The following TAF2 variants were observed in gnomAD, a reference collection of about 807,000 sequenced individuals.
TAF2 encodes TATA-box binding protein associated factor 2.
In TAF2, 61 loss-of-function variants were observed where a neutral mutation model predicts 138.5. The ratio of observed to expected loss-of-function variants is 0.44; its 90% CI spans 0.36 to 0.54. The LOEUF is 0.54. Ranked by LOEUF, TAF2 falls within the 20% of genes least tolerant of loss-of-function variation. The pLI, the probability that TAF2 is intolerant of heterozygous loss-of-function variation, is 0.00. For missense variants in TAF2, 1,090 were observed against 1,427.9 expected, an observed-to-expected ratio of 0.76 and a Z score of 3.81; for synonymous variants, 475 against 469.9, an observed-to-expected ratio of 1.01 and a Z score of -0.14.
chr8:119,832,437 G>A, intron 1 of TAF2, 45 bp downstream of exon 1: 1 of 1,585,096 alleles, frequency 6.3e-7, no homozygotes, highest in Non-Finnish European at 8.6e-7. Flanking sequence ...TATAATTAAT[G>A]GCAACAAAAC....
chr8:119,737,853 A>G (rs1819334016), intron 25 of TAF2, among the ~76,000 whole-genome samples: 4 of 150,314 alleles, frequency 2.7e-5, no homozygotes, highest in Admixed American at 1.3e-4. Flanking sequence ...TGGCAATACC[A>G]TGAAAGTGTT....
chr8:119,770,415 A>G (rs1821749384), intron 18 of TAF2, among the ~76,000 whole-genome samples: 1 of 152,182 alleles, frequency 6.6e-6, no homozygotes, highest in East Asian at 1.9e-4. Flanking sequence ...AAACCTTACA[A>G]GCAGGAAGAG....
At chr8:119,799,705 T>G (rs575231624) in intron 6 of TAF2, among the ~76,000 whole-genome samples, 2 of 152,224 alleles carry the variant, frequency 1.3e-5, no homozygotes, top group Non-Finnish European at 2.9e-5. Context: ...TTTCTAGTTC[T>G]AGATCCTTGA....
intron 10 of TAF2, among the ~76,000 whole-genome samples, chr8:119,792,254 A>G (rs953936958): frequency 1.3e-5 from 2 of 151,500 alleles, no homozygotes; most frequent in Non-Finnish European, 2.9e-5. Flanking sequence ...CCCAGGTTCA[A>G]GTGATTCTCT....
chr8:119,733,129 G>A (rs1314458445), intron 25 of TAF2, among the ~76,000 whole-genome samples: 1 of 152,132 alleles, frequency 6.6e-6, no homozygotes, highest in Non-Finnish European at 1.5e-5. Flanking sequence ...AATCCCCTCT[G>A]CGTATACCAA....
chr8:119,733,660 G>C (rs182310682), intron 25 of TAF2, among the ~76,000 whole-genome samples: 3 of 152,202 alleles, frequency 2.0e-5, no homozygotes, highest in Admixed American at 2.0e-4. Flanking sequence ...TATATTTATA[G>C]GTTAATGGTA....
chr8:119,804,095 C>T, intron 4 of TAF2, 76 bp from the exon 5 acceptor site: 1 of 1,516,942 alleles, frequency 6.6e-7, no homozygotes, highest in Non-Finnish European at 9.1e-7. Context: ...AGATTTAATG[C>T]TGAACATGAA....
At chr8:119,795,055 A>T (rs79276916) in intron 9 of TAF2, among the ~76,000 whole-genome samples, 1 of 151,854 alleles carries the variant, frequency 6.6e-6, no homozygotes, top group Admixed American at 6.6e-5. Flanking sequence ...AAAAAAAAAA[A>T]GATGTGACAA....
intron 7 of TAF2, 110 bp from the exon 8 acceptor site, chr8:119,797,213 T>A: frequency 1.2e-6 from 1 of 803,888 alleles, no homozygotes; most frequent in South Asian, 1.6e-5. Flanking sequence ...AGAGAAAAAA[T>A]TCTCCCACCT....
At chr8:119,760,545 A>G in intron 20 of TAF2, 54 bp downstream of exon 20, 3 of 1,596,934 alleles carry the variant, frequency 1.9e-6, no homozygotes, top group Admixed American at 1.7e-5. Flanking sequence ...ACTGGCTTTA[A>G]AAAGTAAATA....
chr8:119,831,361 G>T (rs1441449346), intron 2 of TAF2, among the ~76,000 whole-genome samples: 1 of 151,892 alleles, frequency 6.6e-6, no homozygotes, highest in Admixed American at 6.6e-5. Flanking sequence ...AAGAAATGTC[G>T]CTATGGGCTT....
Position 119,797,076 on chromosome 8 carries a change from A to G in TAF2, c.1005T>C (p.Ile335=), listed in dbSNP as rs1302864377. 4 of 1,613,288 alleles carry G rather than the reference A, an allele frequency of 2.5e-6. No individual in the cohort carries two copies. The South Asian group carries it at 4.4e-5, about 18-fold the overall frequency. The change falls in exon 8 of 26, where the codon ATT becomes ATC. Residue 335 remains isoleucine, a synonymous_variant. Coordinates refer to ENST00000378164, the MANE Select transcript of TAF2 (RefSeq NM_003184.4). ...FSTNLLHSAM[I]IDETPLTRRC... is the part of the protein sequence containing the mutation. ...TTCTAGTCAAAGGTGTCTCATCTAT[A>G]ATCATGGCACTGTGTAAAAGATTTG...
chr8:119,759,376 A>C (rs1820908543), intron 20 of TAF2, among the ~76,000 whole-genome samples: 2 of 152,204 alleles, frequency 1.3e-5, no homozygotes, highest in South Asian at 4.1e-4. Flanking sequence ...CAAAGATGTA[A>C]GTATACTTTC....
rs1022638097 is a variant in TAF2, at chr8:119,831,801, A to G, written c.84-70T>C. On this transcript the variant is annotated intron_variant, in intron 1 of 25. Transcript: ENST00000378164. The stretch of plus-strand genomic sequence containing the variant: ...TATTATTAAATCAAAGTATAATTCT[A>G]TCCAAGTATAAATTAGGACTATGTT... 3.8e-6 allele frequency: 4 copies of G among 1,051,738 alleles called. No individual in the cohort carries two copies. In the African/African-American group the frequency reaches 6.4e-5, roughly 17 times the overall value. The allele number at this position is 1,051,738 out of a possible 1,614,324, so 65.2% of individuals were successfully genotyped here.
chr8:119,742,333 G>C (rs1434884161), intron 25 of TAF2, among the ~76,000 whole-genome samples: 1 of 137,044 alleles, frequency 7.3e-6, no homozygotes, highest in Non-Finnish European at 1.7e-5. Flanking sequence ...TTCTATAATA[G>C]GAATACATTA....
chr8:119,732,264 C>T (rs935074592), intron 25 of TAF2, 78 bp from the exon 26 acceptor site: 47 of 1,374,312 alleles, frequency 3.4e-5, no homozygotes, highest in Non-Finnish European at 4.7e-5. Context: ...AAGCTGATGA[C>T]AGTATGTAAA....
chr8:119,760,016 C>A (rs1431721569), intron 20 of TAF2, among the ~76,000 whole-genome samples: 2 of 146,958 alleles, frequency 1.4e-5, no homozygotes, highest in Non-Finnish European at 3.0e-5. Flanking sequence ...TACTGTAGGT[C>A]TGCTTCATTT....
chr8:119,794,310 C>T (rs1372660611), intron 9 of TAF2, among the ~76,000 whole-genome samples: 4 of 151,502 alleles, frequency 2.6e-5, no homozygotes, highest in Non-Finnish European at 4.4e-5. Context: ...GTGGAAGAAT[C>T]GCTTAAGCCC....
At chr8:119,777,761 T>C (rs1822357773) in intron 18 of TAF2, among the ~76,000 whole-genome samples, 2 of 152,208 alleles carry the variant, frequency 1.3e-5, no homozygotes, top group Admixed American at 6.5e-5. Context: ...GATGTACTAC[T>C]CTCTCCACAC....
Sources: gnomAD v4.1 joint callset for allele counts (sites outside exome capture counted in the v4.1 genomes callset) on GRCh38, gnomAD v4.1.1 for gene constraint, MANE v1.5 for transcripts, NCBI Gene and HGNC (gene_info 2026-07-23, HGNC 2026-07-21) for gene names.